The following PLCB1 variants were observed in gnomAD, a reference collection of about 807,000 sequenced individuals.
PLCB1 encodes the protein phospholipase C beta 1.
PLCB1 carries 46 observed loss-of-function variants against 161.8 expected under a neutral mutation model. That is an observed-to-expected ratio of 0.28 (90% CI 0.22 to 0.36). PLCB1 has a LOEUF of 0.36. Ranked by LOEUF, PLCB1 falls within the 10% of genes least tolerant of loss-of-function variation. The pLI, the probability that PLCB1 is intolerant of heterozygous loss-of-function variation, is 1.00. For synonymous variants in PLCB1, 517 were observed against 503.7 expected (o/e 1.03, Z -0.35); for missense variants, 1,016 against 1,472.5 (o/e 0.69, Z 5.07).
intron 3 of PLCB1, among the ~76,000 whole-genome samples, chr20:8,578,996 A>G (rs73897131): frequency 0.085 from 12,895 of 152,294 alleles, 975 homozygotes; most frequent in East Asian, 0.29. Flanking sequence ...AGATGATAGA[A>G]TATTAATCTT....
chr20:8,546,511 C>G (rs74420548), intron 3 of PLCB1, among the ~76,000 whole-genome samples: 2,231 of 151,946 alleles, frequency 0.015, 60 homozygotes, highest in African/African-American at 0.049. Context: ...CTTATACTAC[C>G]AAGAATGCCA....
At chr20:8,273,003 C>T (rs956059971) in intron 2 of PLCB1, among the ~76,000 whole-genome samples, 5 of 152,096 alleles carry the variant, frequency 3.3e-5, no homozygotes. Context: ...ATTCCTGACA[C>T]AAAGGAGAGC....
rs575863612 is a variant in PLCB1, at chr20:8,301,087, G to T, written c.178-70295G>T. ...CGGAGAGCCTTGCCTGCCTATTTCT[G>T]CTGGTTACAATTCCATTATTACAGG... On this transcript the variant is annotated intron_variant, in intron 2 of 31. Coordinates refer to ENST00000338037, the MANE Select transcript of PLCB1 (RefSeq NM_015192.4). Among the ~76,000 whole-genome samples, 20 of 152,226 alleles carry T rather than the reference G, an allele frequency of 1.3e-4. No individual in the cohort carries two copies. The South Asian group carries it at 4.2e-3, about 32-fold the overall frequency.
intron 3 of PLCB1, among the ~76,000 whole-genome samples, chr20:8,537,694 A>G (rs1053656879): frequency 1.3e-5 from 2 of 152,182 alleles, no homozygotes; most frequent in Non-Finnish European, 2.9e-5. Flanking sequence ...TTTAAGTAGC[A>G]CTTTGCCAGT....
At chr20:8,871,872 G>A (rs1600106678) in intron 31 of PLCB1, among the ~76,000 whole-genome samples, 2 of 152,276 alleles carry the variant, frequency 1.3e-5, no homozygotes, top group East Asian at 3.9e-4. Context: ...ATCAGAGTAT[G>A]CTAAGCATTT....
chr20:8,169,772 G>C (rs904769444), intron 2 of PLCB1, among the ~76,000 whole-genome samples: 3 of 152,128 alleles, frequency 2.0e-5, no homozygotes, highest in Non-Finnish European at 4.4e-5. Flanking sequence ...GGTGCGTGGT[G>C]CATGTGGCCT....
In PLCB1 at chr20:8,501,890, T is replaced by C. The variant is rs1392332910; in HGVS notation, c.247-126404T>C. Among the ~76,000 whole-genome samples the C allele has an allele frequency of 7.5e-5, 4 of 53,146 alleles. No homozygotes were observed. The Admixed American group carries it at 8.9e-4, about 12-fold the overall frequency. 34.9% of individuals were successfully genotyped at this position (53,146 alleles called of 152,430 possible). A position where few individuals can be genotyped will look rare whatever the true frequency, so the allele number is the denominator to read the frequency against. ...ATATATATATATATATATATATATATATATATATATATATATATATATATA... is the reference window on the plus strand; with the variant it reads ...ATATATATATATATATATATATATACATATATATATATATATATATATATA... On this transcript the variant is annotated intron_variant, in intron 3 of 31. Coordinates refer to ENST00000338037, the MANE Select transcript of PLCB1 (RefSeq NM_015192.4).
intron 2 of PLCB1, among the ~76,000 whole-genome samples, chr20:8,346,183 A>G (rs1985995045): frequency 6.6e-6 from 1 of 152,208 alleles, no homozygotes; most frequent in Non-Finnish European, 1.5e-5. Context: ...TGCAAAGCTG[A>G]CTAAACTAAT....
At chr20:8,831,906 TTCTTTC>T (rs756700391) in intron 31 of PLCB1, among the ~76,000 whole-genome samples, 5,027 of 83,454 alleles carry the variant, frequency 0.06, 572 homozygotes, top group East Asian at 0.19. Flanking sequence ...CTCCCTCTCT[TTCTTTC>T]TCTTTCTTTC....
At chr20:8,642,921 C>G in intron 4 of PLCB1, among the ~76,000 whole-genome samples, 1 of 152,178 alleles carries the variant, frequency 6.6e-6, no homozygotes. Flanking sequence ...CATGAGCCTA[C>G]AAAATATTAT....
chr20:8,765,811 C>T (rs993671967), intron 26 of PLCB1, among the ~76,000 whole-genome samples: 1 of 152,082 alleles, frequency 6.6e-6, no homozygotes, highest in Non-Finnish European at 1.5e-5. Flanking sequence ...CCTCAGCCTC[C>T]CAAGAAGCTG....
At chr20:8,700,866 G>A (rs1383584931) in intron 11 of PLCB1, among the ~76,000 whole-genome samples, 2 of 152,198 alleles carry the variant, frequency 1.3e-5, no homozygotes, top group African/African-American at 4.8e-5. Context: ...GCTGAGATGT[G>A]GGTAGGTGAC....
intron 2 of PLCB1, among the ~76,000 whole-genome samples, chr20:8,163,507 C>A (rs2051646345): frequency 6.6e-6 from 1 of 152,230 alleles, no homozygotes; most frequent in African/African-American, 2.4e-5. Flanking sequence ...TCTGGTAAGT[C>A]AGACTTTTAA....
intron 10 of PLCB1, among the ~76,000 whole-genome samples, chr20:8,692,083 A>T (rs944495207): frequency 3.9e-5 from 6 of 152,204 alleles, no homozygotes; most frequent in African/African-American, 1.4e-4. Context: ...ATCTCCGGAC[A>T]GCTAATATCT....
chr20:8,824,703 A>G (rs1005443106), intron 31 of PLCB1, among the ~76,000 whole-genome samples: 1 of 152,228 alleles, frequency 6.6e-6, no homozygotes, highest in Non-Finnish European at 1.5e-5. Context: ...AATTATAATT[A>G]TAAGTGTTAT....
chr20:8,370,959 C>T (rs1986885075), intron 2 of PLCB1: 1 of 159,350 alleles, frequency 6.3e-6, no homozygotes, highest in Non-Finnish European at 1.4e-5. Context: ...CTGCCTTGGC[C>T]AGATAAGCTG....
intron 3 of PLCB1, among the ~76,000 whole-genome samples, chr20:8,459,306 C>A (rs891461939): frequency 3.3e-5 from 5 of 152,136 alleles, no homozygotes; most frequent in Admixed American, 2.6e-4. Context: ...CAATCCTGTT[C>A]TTTGGACATG....
At chr20:8,394,687 T>A (rs530303314) in intron 3 of PLCB1, among the ~76,000 whole-genome samples, 1 of 152,322 alleles carries the variant, frequency 6.6e-6, no homozygotes, top group East Asian at 1.9e-4. Context: ...CTGTTATCCT[T>A]AAAACTATAG....
In PLCB1 at chr20:8,238,867, G is replaced by C. The variant is rs548478028; in HGVS notation, c.177+88496G>C. Among the ~76,000 whole-genome samples, 202 of 150,358 alleles carry C rather than the reference G, an allele frequency of 1.3e-3. 1 individual carries two copies. Among genetic ancestry groups the C allele is most frequent in the Non-Finnish European group, 2.3e-3 (156 of 67,162 alleles). ...GAGTCCATTGAGTAAATGGGTGGCT[G>C]GGGGGAAGACATCAGACCCCGAGAA... On this transcript the variant is annotated intron_variant, in intron 2 of 31. Transcript: ENST00000338037.
Sources: allele counts gnomAD v4.1 joint callset (sites outside exome capture counted in the v4.1 genomes callset), GRCh38; gene constraint gnomAD v4.1.1; transcripts MANE v1.5; gene names NCBI Gene and HGNC (gene_info 2026-07-23, HGNC 2026-07-21).